The following PRSS55 variants were observed in gnomAD, a reference collection of about 807,000 sequenced individuals.
PRSS55 encodes the protein probable serine protease UNQ9391/PRO34284.
PRSS55 carries 41 observed loss-of-function variants against 23.6 expected under a neutral mutation model. That is an observed-to-expected ratio of 1.74 (90% CI 1.35 to 2.26). The LOEUF (loss-of-function observed/expected upper bound fraction) is 2.26, where lower values mean the gene tolerates loss of function less well. Among genes scored for constraint, PRSS55 ranks in the 30% most tolerant of loss-of-function variants. The probability of loss-of-function intolerance (pLI) is 0.00; values close to 1 mark genes in which losing one functional copy is unlikely to be tolerated. For missense variants in PRSS55, 669 were observed against 439.1 expected (o/e 1.52, Z -4.68); for synonymous variants, 262 against 175.5 (o/e 1.49, Z -3.90).
intron 4 of PRSS55, among the ~76,000 whole-genome samples, chr8:10,546,957 C>G (rs1048260923): frequency 7.2e-5 from 11 of 152,160 alleles, no homozygotes; most frequent in African/African-American, 2.7e-4. Context: ...GCTGGGATTA[C>G]AGGTGTGAGC....
chr8:10,542,906 C>T (rs1255912715), downstream of PRSS55, among the ~76,000 whole-genome samples: 2 of 144,374 alleles, frequency 1.4e-5, no homozygotes, highest in African/African-American at 2.5e-5. Context: ...AAGACAACCT[C>T]TTGGAGGGAT....
chr8:10,551,059 C>G (rs1449770347), intron 4 of PRSS55, among the ~76,000 whole-genome samples: 3 of 152,218 alleles, frequency 2.0e-5, no homozygotes, highest in African/African-American at 7.2e-5. Context: ...TTATTCATAG[C>G]ATACTCAGAA....
chr8:10,526,411 C>G (rs1436222333), intron 1 of PRSS55, among the ~76,000 whole-genome samples: 1 of 152,230 alleles, frequency 6.6e-6, no homozygotes, highest in African/African-American at 2.4e-5. Flanking sequence ...GCTGCATGCC[C>G]TGTGCACACC....
intron 1 of PRSS55, among the ~76,000 whole-genome samples, chr8:10,526,549 G>A (rs1021075198): frequency 1.3e-5 from 2 of 152,338 alleles, no homozygotes; most frequent in South Asian, 2.1e-4. Flanking sequence ...CTCCTCTAAT[G>A]CGTGATCGCT....
chr8:10,528,534 G>C (rs1812119732), intron 1 of PRSS55, among the ~76,000 whole-genome samples: 1 of 152,232 alleles, frequency 6.6e-6, no homozygotes, highest in South Asian at 2.1e-4. Flanking sequence ...CTGTCCGGAA[G>C]GGGCATTTCC....
At chr8:10,549,472 C>T (rs766355116) in intron 4 of PRSS55, among the ~76,000 whole-genome samples, 43 of 152,150 alleles carry the variant, frequency 2.8e-4, no homozygotes, top group Non-Finnish European at 4.4e-4. Flanking sequence ...GGGCTGGGTA[C>T]GGGGCTAAGC....
chr8:10,531,654 G>A lies in PRSS55; in HGVS notation c.598+109G>A, dbSNP rs377362754. The stretch of plus-strand genomic sequence containing the variant: ...AAGACTTGCATTGGAGCAGATTCCC[G>A]CTCAGTGGAGTCTCACAGTGCCCAA... On this transcript the variant is annotated intron_variant, in intron 3 of 4. Coordinates refer to ENST00000328655, the MANE Select transcript of PRSS55 (RefSeq NM_198464.4). The A allele has an allele frequency of 1.3e-3, 1,862 of 1,459,326 alleles. 31 individuals are homozygous for A. The South Asian group carries it at 0.022, about 17-fold the overall frequency. 90.4% of individuals were successfully genotyped at this position (1,459,326 alleles called of 1,614,324 possible). A position where few individuals can be genotyped will look rare whatever the true frequency, so the allele number is the denominator to read the frequency against.
At chr8:10,525,848 TA>T in intron 1 of PRSS55, 109 bp downstream of exon 1, 2 of 1,167,638 alleles carry the variant, frequency 1.7e-6, no homozygotes, top group Non-Finnish European at 2.4e-6. Context: ...GCTCCCCACA[TA>T]CCCCTTCTCC....
chr8:10,532,791 T>C, intron 3 of PRSS55, 115 bp from the exon 4 acceptor site: 1 of 1,323,142 alleles, frequency 7.6e-7, no homozygotes, highest in South Asian at 1.4e-5. Flanking sequence ...GCAGAGCCTG[T>C]GAAGGAAGGG....
At chr8:10,535,503 C>T (rs1047175917) in intron 4 of PRSS55, among the ~76,000 whole-genome samples, 1 of 152,222 alleles carries the variant, frequency 6.6e-6, no homozygotes, top group African/African-American at 2.4e-5. Flanking sequence ...GTTGGGATAA[C>T]TGGCTAGCCA....
downstream of PRSS55, chr8:10,540,110 T>C (rs918788393): frequency 2.6e-5 from 4 of 152,356 alleles, no homozygotes; most frequent in South Asian, 2.1e-4. Context: ...TTGCTTGCTG[T>C]GTTCCACCAG....
At chr8:10,538,995 A>G (rs1812558727), downstream of PRSS55, among the ~76,000 whole-genome samples, 1 of 151,958 alleles carries the variant, frequency 6.6e-6, no homozygotes, top group South Asian at 2.1e-4. Flanking sequence ...TCTAGGTGAC[A>G]GTCACCTAAT....
intron 1 of PRSS55, among the ~76,000 whole-genome samples, chr8:10,528,893 CA>C (rs1812137415): frequency 1.3e-5 from 2 of 152,212 alleles, no homozygotes; most frequent in South Asian, 4.1e-4. Flanking sequence ...CCTTCATCTT[CA>C]AAGCCAGCTA....
chr8:10,538,450 T>C (rs745604965), intron 4 of PRSS55, 26 bp from the exon 5 acceptor site: 5 of 1,571,538 alleles, frequency 3.2e-6, no homozygotes. Flanking sequence ...CCGGACTCCC[T>C]GCTGAGCTGT....
At chr8:10,528,745 T>G (rs1433521262) in intron 1 of PRSS55, among the ~76,000 whole-genome samples, 1 of 152,206 alleles carries the variant, frequency 6.6e-6, no homozygotes, top group African/African-American at 2.4e-5. Context: ...TATCCTACAG[T>G]ACTGTGGGAC....
At chr8:10,531,573 G>T (rs756775316) in intron 3 of PRSS55, 28 bp downstream of exon 3, 1 of 1,609,446 alleles carries the variant, frequency 6.2e-7, no homozygotes, top group South Asian at 1.1e-5. Flanking sequence ...TTCCCCTGGG[G>T]AAAAAGCCAC....
chr8:10,526,141 G>C (rs117463575), intron 1 of PRSS55, among the ~76,000 whole-genome samples: 2 of 152,052 alleles, frequency 1.3e-5, no homozygotes, highest in African/African-American at 4.8e-5. Flanking sequence ...CCTTGTGCCC[G>C]GCCCCCCAGA....
chr8:10,538,045 G>T (rs1269307741), intron 4 of PRSS55, among the ~76,000 whole-genome samples: 1 of 152,182 alleles, frequency 6.6e-6, no homozygotes, highest in Non-Finnish European at 1.5e-5. Flanking sequence ...GCTTCTGCAA[G>T]AACACAAAGG....
chr8:10,538,827 A>T (rs1241635459), downstream of PRSS55: 1 of 1,522,286 alleles, frequency 6.6e-7, no homozygotes, highest in Non-Finnish European at 8.8e-7. Flanking sequence ...CAACCGAGGG[A>T]GGGTGCATGC....
Sources: allele counts gnomAD v4.1 joint callset (sites outside exome capture counted in the v4.1 genomes callset), GRCh38; gene constraint gnomAD v4.1.1; transcripts MANE v1.5; gene names NCBI Gene and HGNC (gene_info 2026-07-23, HGNC 2026-07-21).